ANKRD30A: variants seen among roughly 807,000 people sequenced by gnomAD.
ANKRD30A encodes the protein ankyrin repeat domain 30A.
ANKRD30A carries 170 observed loss-of-function variants against 166.3 expected under a neutral mutation model. That is an observed-to-expected ratio of 1.02 (90% CI 0.90 to 1.16). The LOEUF is 1.16. Ranked by LOEUF, ANKRD30A falls within the 50% of genes most tolerant of loss-of-function variation. The pLI is 0.00. For synonymous variants in ANKRD30A, 564 were observed against 508.9 expected (o/e 1.11, Z -1.46); for missense variants, 1,630 against 1,518.0 (o/e 1.07, Z -1.23).
intron 1 of ANKRD30A, among the ~76,000 whole-genome samples, chr10:37,128,216 T>C (rs1836166998): frequency 6.6e-6 from 1 of 152,086 alleles, no homozygotes; most frequent in South Asian, 2.1e-4. Flanking sequence ...ACATTTGTTT[T>C]AATATAAAAT....
intron 8 of ANKRD30A, among the ~76,000 whole-genome samples, chr10:37,146,186 T>C (rs1837499460): frequency 6.6e-6 from 1 of 151,672 alleles, no homozygotes; most frequent in Non-Finnish European, 1.5e-5. Flanking sequence ...AATACTTGAT[T>C]GCTTTCATTT....
Position 37,132,356 on chromosome 10 carries a change from T to C in ANKRD30A, c.617+10T>C. ...TTAATAAGTATAAATGGTATAGTAG[T>C]TCTTTTTTTATTAAAAAACACTTGA... On this transcript the variant is annotated intron_variant, in intron 4 of 35. Transcript: ENST00000361713. 6.7e-7 allele frequency: 1 copy of C among 1,485,562 alleles called. No individual in the cohort carries two copies. The highest frequency in any genetic ancestry group is 9.1e-7 in the Non-Finnish European group (1 of 1,100,610). The allele number at this position is 1,485,562 out of a possible 1,614,324, so 92.0% of individuals were successfully genotyped here. A position where few individuals can be genotyped will look rare whatever the true frequency, so the allele number is the denominator to read the frequency against.
At chr10:37,265,017 G>C in the ANKRD30A span, among the ~76,000 whole-genome samples, 1 of 152,096 alleles carries the variant, frequency 6.6e-6, no homozygotes, top group Non-Finnish European at 1.5e-5. Flanking sequence ...ACTGGTTACA[G>C]TTTTGATGTT....
intron 15 of ANKRD30A, among the ~76,000 whole-genome samples, chr10:37,161,268 A>G (rs1838840916): frequency 6.6e-6 from 1 of 152,166 alleles, no homozygotes. Context: ...GGTCAGGAGA[A>G]TGCATTATAT....
intron 32 of ANKRD30A, among the ~76,000 whole-genome samples, chr10:37,217,306 T>C (rs1212010780): frequency 1.3e-5 from 2 of 150,984 alleles, no homozygotes; most frequent in African/African-American, 4.8e-5. Flanking sequence ...TAAAAAGTAA[T>C]CAGTTAACTT....
intron 11 of ANKRD30A, 37 bp from the exon 12 acceptor site, chr10:37,152,023 T>C: frequency 6.5e-7 from 1 of 1,534,572 alleles, no homozygotes; most frequent in Non-Finnish European, 8.9e-7. Flanking sequence ...AGTAGAGAAA[T>C]GTTGTCATGA....
At chr10:37,156,844 A>G (rs1395013556) in intron 13 of ANKRD30A, among the ~76,000 whole-genome samples, 1 of 152,188 alleles carries the variant, frequency 6.6e-6, no homozygotes, top group Non-Finnish European at 1.5e-5. Flanking sequence ...GTTTTTATTT[A>G]AAGCGTATTG....
intron 29 of ANKRD30A, 140 bp downstream of exon 29, chr10:37,197,620 T>C: frequency 3.0e-6 from 4 of 1,328,032 alleles, no homozygotes; most frequent in Non-Finnish European, 4.1e-6. Flanking sequence ...GGTATTGATG[T>C]TTGAAAAGCT....
At chr10:37,158,253 C>A in intron 13 of ANKRD30A, 139 bp from the exon 14 acceptor site, 22 of 1,375,194 alleles carry the variant, frequency 1.6e-5, no homozygotes, top group Non-Finnish European at 2.0e-5. Flanking sequence ...ATACAATAAC[C>A]CAAAAGACCC....
At chr10:37,144,445 A>G (rs1159949472) in intron 7 of ANKRD30A, among the ~76,000 whole-genome samples, 1 of 152,238 alleles carries the variant, frequency 6.6e-6, no homozygotes, top group Non-Finnish European at 1.5e-5. Flanking sequence ...AAGTTCTTTA[A>G]GCTTATTTAT....
At chr10:37,257,793 G>T in the ANKRD30A span, among the ~76,000 whole-genome samples, 24 of 152,240 alleles carry the variant, frequency 1.6e-4, no homozygotes, top group Non-Finnish European at 2.5e-4. Flanking sequence ...ACATAAAAAA[G>T]AATGAGTTCA....
intron 34 of ANKRD30A, among the ~76,000 whole-genome samples, chr10:37,231,220 C>A (rs188132455): frequency 3.6e-4 from 54 of 150,428 alleles, no homozygotes; most frequent in Non-Finnish European, 6.5e-4. Context: ...ATAGTCATGG[C>A]GGCAAAAAAA....
At chr10:37,154,307 A>T (rs1416583877) in intron 13 of ANKRD30A, among the ~76,000 whole-genome samples, 1 of 152,222 alleles carries the variant, frequency 6.6e-6, no homozygotes, top group Non-Finnish European at 1.5e-5. Context: ...AAATCAGCTG[A>T]AAACCTTGTT....
chr10:37,226,841 A>G (rs1420614215), intron 34 of ANKRD30A, among the ~76,000 whole-genome samples: 1 of 151,858 alleles, frequency 6.6e-6, no homozygotes, highest in Non-Finnish European at 1.5e-5. Context: ...CATTTTTACC[A>G]GGAAAGATTC....
chr10:37,216,494 G>T (rs1280974400), intron 32 of ANKRD30A, 100 bp downstream of exon 32: 1 of 1,171,874 alleles, frequency 8.5e-7, no homozygotes, highest in African/African-American at 1.6e-5. Context: ...GGTTTTACTG[G>T]AGAAAAAAAT....
chr10:37,140,057 G>A (rs1836995889), intron 6 of ANKRD30A, among the ~76,000 whole-genome samples: 1 of 152,128 alleles, frequency 6.6e-6, no homozygotes, highest in Non-Finnish European at 1.5e-5. Context: ...ACAATAAAGT[G>A]AGCTGGAGGA....
the ANKRD30A span, among the ~76,000 whole-genome samples, chr10:37,265,369 G>T: frequency 3.3e-5 from 5 of 152,200 alleles, no homozygotes; most frequent in South Asian, 2.1e-4. Context: ...CCCCACCCTG[G>T]GGTTGCCCGC....
intron 29 of ANKRD30A, 64 bp from the exon 30 acceptor site, chr10:37,199,663 A>G: frequency 9.2e-7 from 1 of 1,083,684 alleles, no homozygotes; most frequent in Non-Finnish European, 1.4e-6. Flanking sequence ...AGATTTGTAT[A>G]TGTTTTTAAA....
At chr10:37,138,661 A>G (rs913955692) in intron 6 of ANKRD30A, among the ~76,000 whole-genome samples, 2 of 152,216 alleles carry the variant, frequency 1.3e-5, no homozygotes, top group Non-Finnish European at 2.9e-5. Context: ...ATGAAGTGAG[A>G]AGAGAAGTTT....
Sources: allele counts gnomAD v4.1 joint callset (sites outside exome capture counted in the v4.1 genomes callset), GRCh38; gene constraint gnomAD v4.1.1; transcripts MANE v1.5; gene names NCBI Gene and HGNC (gene_info 2026-07-23, HGNC 2026-07-21).